The following UNC5A variants were observed in gnomAD, a reference collection of about 807,000 sequenced individuals.
UNC5A encodes the protein netrin receptor UNC5A.
A neutral mutation model predicts 87.4 loss-of-function variants in UNC5A; 20 were observed. That is an observed-to-expected ratio of 0.23 (90% CI 0.16 to 0.33). The LOEUF (loss-of-function observed/expected upper bound fraction) is 0.33, where lower values mean the gene tolerates loss of function less well. UNC5A is among the 10% of genes least tolerant of loss of function. UNC5A has a pLI of 1.00. For missense variants in UNC5A, 844 were observed against 1,133.4 expected, an observed-to-expected ratio of 0.74 and a Z score of 3.67; for synonymous variants, 438 against 482.3, an observed-to-expected ratio of 0.91 and a Z score of 1.20.
intron 1 of UNC5A, among the ~76,000 whole-genome samples, chr5:176,854,638 A>G (rs1162799962): frequency 6.6e-6 from 1 of 152,228 alleles, no homozygotes; most frequent in Admixed American, 6.5e-5. Flanking sequence ...AGGTAAGCAG[A>G]GCTGGCTCCC....
intron 1 of UNC5A, among the ~76,000 whole-genome samples, chr5:176,858,693 T>C (rs1473473252): frequency 8.9e-6 from 1 of 112,110 alleles, no homozygotes; most frequent in Admixed American, 1.1e-4. Context: ...GACAAGTACA[T>C]GGAAAGCGAA....
At chr5:176,812,588 C>T (rs781189745) in intron 1 of UNC5A, among the ~76,000 whole-genome samples, 46 of 152,180 alleles carry the variant, frequency 3.0e-4, no homozygotes, top group Non-Finnish European at 6.0e-4. Context: ...CAGGGTGCTG[C>T]GGCCTGGAGC....
intron 1 of UNC5A, among the ~76,000 whole-genome samples, chr5:176,833,692 CT>C (rs1354241380): frequency 6.6e-6 from 1 of 151,324 alleles, no homozygotes. Flanking sequence ...CACACAGCCT[CT>C]TTTTTTATCT....
At chr5:176,829,194 ATGGATGGATGGT>A (rs1453438625) in intron 1 of UNC5A, among the ~76,000 whole-genome samples, 3 of 19,394 alleles carry the variant, frequency 1.5e-4, no homozygotes, top group Non-Finnish European at 2.4e-4. Context: ...GGATGGATGG[ATGGATGGATGGT>A]TGGATGGATG....
At chr5:176,818,579 T>C (rs1451069194) in intron 1 of UNC5A, among the ~76,000 whole-genome samples, 1 of 152,160 alleles carries the variant, frequency 6.6e-6, no homozygotes, top group Non-Finnish European at 1.5e-5. Flanking sequence ...TGAGGACACA[T>C]ATCAGGGGAG....
At chr5:176,812,038 C>T (rs949372807) in intron 1 of UNC5A, among the ~76,000 whole-genome samples, 1 of 152,110 alleles carries the variant, frequency 6.6e-6, no homozygotes, top group Non-Finnish European at 1.5e-5. Flanking sequence ...CCCGCCCCAT[C>T]CTGCCTCCTC....
At chr5:176,826,636 C>CTTTT (rs34466725) in intron 1 of UNC5A, among the ~76,000 whole-genome samples, 4 of 72,750 alleles carry the variant, frequency 5.5e-5, no homozygotes, top group African/African-American at 1.4e-4. Flanking sequence ...AGTTTCCAAA[C>CTTTT]TTTTTTTTTT....
intron 1 of UNC5A, among the ~76,000 whole-genome samples, chr5:176,823,937 C>T (rs1756790391): frequency 6.6e-6 from 1 of 152,216 alleles, no homozygotes; most frequent in African/African-American, 2.4e-5. Context: ...CACCTCCACC[C>T]TCCTTTGGCG....
At chr5:176,817,749 CG>C (rs1417094384) in intron 1 of UNC5A, among the ~76,000 whole-genome samples, 2 of 151,998 alleles carry the variant, frequency 1.3e-5, no homozygotes, top group African/African-American at 4.8e-5. Flanking sequence ...CGCGGGTGCC[CG>C]AGCCCACGGC....
intron 1 of UNC5A, among the ~76,000 whole-genome samples, chr5:176,821,572 G>A (rs1756729239): frequency 6.6e-6 from 1 of 152,236 alleles, no homozygotes; most frequent in Admixed American, 6.5e-5. Context: ...ATGGTTAACA[G>A]TTGGCTCTTC....
intron 8 of UNC5A, among the ~76,000 whole-genome samples, chr5:176,876,301 C>T (rs915340113): frequency 1.3e-5 from 2 of 152,240 alleles, no homozygotes; most frequent in East Asian, 1.9e-4. Context: ...CTGCCCTCTC[C>T]GGTGAAACGG....
At chr5:176,849,542 G>A (rs766570638) in intron 1 of UNC5A, among the ~76,000 whole-genome samples, 4 of 152,182 alleles carry the variant, frequency 2.6e-5, no homozygotes, top group East Asian at 1.9e-4. Flanking sequence ...CCAAGATCAC[G>A]CCATTGCTCT....
chr5:176,859,586 G>GA (rs1757778967), intron 1 of UNC5A, among the ~76,000 whole-genome samples: 1 of 73,122 alleles, frequency 1.4e-5, no homozygotes. Context: ...CTGCTAGAAT[G>GA]TCCTTGCTAG....
intron 1 of UNC5A, among the ~76,000 whole-genome samples, chr5:176,813,792 C>A (rs1360452340): frequency 6.6e-6 from 1 of 152,224 alleles, no homozygotes; most frequent in Non-Finnish European, 1.5e-5. Flanking sequence ...AGCTCCGAGG[C>A]TTCACAAGGC....
At chr5:176,864,669 G>A (rs1167556454) in intron 2 of UNC5A, 1 of 324,422 alleles carries the variant, frequency 3.1e-6, no homozygotes, top group Non-Finnish European at 6.2e-6. Context: ...CCTCCCCCAA[G>A]TGTCGTCTCA....
chr5:176,826,575 T>C (rs1756858371), intron 1 of UNC5A, among the ~76,000 whole-genome samples: 1 of 152,054 alleles, frequency 6.6e-6, no homozygotes, highest in South Asian at 2.1e-4. Flanking sequence ...AAGTGCACAA[T>C]TCATTGGCAT....
At chr5:176,829,412 G>GAGGA in intron 1 of UNC5A, among the ~76,000 whole-genome samples, 1 of 139,140 alleles carries the variant, frequency 7.2e-6, no homozygotes. Context: ...ATGTATGAAA[G>GAGGA]ATGAATGGAT....
intron 1 of UNC5A, among the ~76,000 whole-genome samples, chr5:176,813,393 G>A (rs1756516653): frequency 6.6e-6 from 1 of 152,180 alleles, no homozygotes; most frequent in Admixed American, 6.5e-5. Flanking sequence ...CCATACTTAG[G>A]GCTAACCTAG....
At chr5:176,833,772 G>A (rs1445512454) in intron 1 of UNC5A, among the ~76,000 whole-genome samples, 4 of 149,986 alleles carry the variant, frequency 2.7e-5, no homozygotes, top group African/African-American at 7.4e-5. Flanking sequence ...GCAGTGGTGC[G>A]GTCTCCGCTC....
Sources: allele counts gnomAD v4.1 joint callset (sites outside exome capture counted in the v4.1 genomes callset), GRCh38; gene constraint gnomAD v4.1.1; transcripts MANE v1.5; gene names NCBI Gene and HGNC (gene_info 2026-07-23, HGNC 2026-07-21).